Variants in SPATS2L observed in about 807,000 individuals in gnomAD.
SPATS2L encodes SPATS2-like protein.
SPATS2L carries 30 observed loss-of-function variants against 59.6 expected under a neutral mutation model. The ratio of observed to expected loss-of-function variants is 0.50; its 90% CI spans 0.38 to 0.68. SPATS2L has a LOEUF of 0.68. SPATS2L is among the 30% of genes least tolerant of loss of function. SPATS2L has a pLI of 0.00. For missense variants in SPATS2L, 615 were observed against 700.0 expected (o/e 0.88, Z 1.37); for synonymous variants, 252 against 263.5 (o/e 0.96, Z 0.42).
chr2:200,473,766 A>G (rs897718415), intron 12 of SPATS2L, among the ~76,000 whole-genome samples: 4 of 152,138 alleles, frequency 2.6e-5, no homozygotes, highest in African/African-American at 4.8e-5. Context: ...TTGGGAGGCC[A>G]AGGTGGGCAG....
chr2:200,444,876 C>T (rs969483129), intron 8 of SPATS2L, among the ~76,000 whole-genome samples: 1 of 151,828 alleles, frequency 6.6e-6, no homozygotes, highest in African/African-American at 2.4e-5. Flanking sequence ...TCTCCATATC[C>T]CTTTTCTCTT....
chr2:200,406,677 A>G (rs985417765), intron 3 of SPATS2L, among the ~76,000 whole-genome samples: 1 of 152,134 alleles, frequency 6.6e-6, no homozygotes, highest in African/African-American at 2.4e-5. Context: ...TGCTTCCTTC[A>G]TAGCACTCAC....
intron 1 of SPATS2L, among the ~76,000 whole-genome samples, chr2:200,327,260 C>T (rs897475931): frequency 6.6e-6 from 1 of 151,790 alleles, no homozygotes. Context: ...CAAAATTAGC[C>T]CAGTGTGGTG....
intron 2 of SPATS2L, among the ~76,000 whole-genome samples, chr2:200,362,853 C>G (rs1045039528): frequency 1.9e-4 from 29 of 152,246 alleles, no homozygotes; most frequent in African/African-American, 6.5e-4. Context: ...AGCTTTGTGG[C>G]TCTCAGGCCT....
At chr2:200,438,926 A>G (rs1277197291) in intron 6 of SPATS2L, among the ~76,000 whole-genome samples, 196 bp from the exon 7 acceptor site, 1 of 152,146 alleles carries the variant, frequency 6.6e-6, no homozygotes, top group Non-Finnish European at 1.5e-5. Context: ...AGGTCTTTCT[A>G]CTCAAAATAC....
At chr2:200,417,979 AC>A (rs2083135535) in intron 5 of SPATS2L, among the ~76,000 whole-genome samples, 2 of 152,154 alleles carry the variant, frequency 1.3e-5, no homozygotes. Flanking sequence ...ATCAAGTCAA[AC>A]ATATAACATA....
intron 3 of SPATS2L, among the ~76,000 whole-genome samples, chr2:200,409,728 G>C (rs1333560477): frequency 6.6e-6 from 1 of 152,174 alleles, no homozygotes; most frequent in African/African-American, 2.4e-5. Flanking sequence ...TCCAGGAATT[G>C]TATCTGATAT....
Position 200,377,605 on chromosome 2 carries a change from C to T in SPATS2L, c.-22-11618C>T, listed in dbSNP as rs1381629980. 3.3e-5 allele frequency among the ~76,000 whole-genome samples: 5 copies of T among 152,028 alleles called. 1 individual carries two copies. Among genetic ancestry groups the T allele is most frequent in the Admixed American group, 3.3e-4 (5 of 15,268 alleles). On this transcript the variant is annotated intron_variant, in intron 2 of 12. Coordinates refer to ENST00000409140, the MANE Select transcript of SPATS2L (RefSeq NM_001100423.2). The stretch of plus-strand genomic sequence containing the variant: ...AGCAGGTCTGACAGGTAAGAAAACC[C>T]TCTCCACTCTGCCCCAAATGTACTC...
chr2:200,476,702 A>G (rs567542013), intron 12 of SPATS2L, among the ~76,000 whole-genome samples: 4 of 152,348 alleles, frequency 2.6e-5, no homozygotes, highest in South Asian at 2.1e-4. Flanking sequence ...ATGCGTTACA[A>G]TGCTCTTTTA....
intron 3 of SPATS2L, among the ~76,000 whole-genome samples, chr2:200,408,926 A>C (rs1218566571): frequency 6.6e-6 from 1 of 152,254 alleles, no homozygotes; most frequent in Non-Finnish European, 1.5e-5. Context: ...AATTAGCAGA[A>C]GCAAAATACG....
intron 3 of SPATS2L, among the ~76,000 whole-genome samples, chr2:200,400,168 A>AT (rs11380146): frequency 0.39 from 58,793 of 151,996 alleles, 11,637 homozygotes; most frequent in East Asian, 0.55. Flanking sequence ...TGAAGATAAC[A>AT]TTTTTTTGTC....
chr2:200,396,133 C>T (rs1241524144), intron 3 of SPATS2L, among the ~76,000 whole-genome samples: 3 of 130,244 alleles, frequency 2.3e-5, no homozygotes, highest in Non-Finnish European at 3.2e-5. Flanking sequence ...AACATAAAAG[C>T]GAACTTGACT....
At chr2:200,363,597 A>G (rs2081178613) in intron 2 of SPATS2L, among the ~76,000 whole-genome samples, 1 of 152,258 alleles carries the variant, frequency 6.6e-6, no homozygotes, top group Admixed American at 6.5e-5. Flanking sequence ...CAAGAAATAA[A>G]TACATAGCTC....
rs573254575 is a variant in SPATS2L at position 200,472,082 on chromosome 2, G to GCCTGAGC, written c.1061-728_1061-722dup. On this transcript the variant is annotated intron_variant, in intron 11 of 12. Transcript: ENST00000409140. The stretch of plus-strand genomic sequence containing the variant: ...GTCATAATAAACGCTGAGCAGACCT[G>GCCTGAGC]CCTGAGCCCTGAGCCCTGAGCCCTG... 2.7e-3 allele frequency among the ~76,000 whole-genome samples: 414 copies of GCCTGAGC among 152,264 alleles called. 1 individual carries two copies. Among genetic ancestry groups the GCCTGAGC allele is most frequent in the African/African-American group, 8.5e-3 (354 of 41,528 alleles).
chr2:200,451,547 C>T lies in SPATS2L; in HGVS notation c.789-8222C>T, dbSNP rs139374782. On this transcript the variant is annotated intron_variant, in intron 8 of 12. Coordinates refer to ENST00000409140, the MANE Select transcript of SPATS2L (RefSeq NM_001100423.2). ...CATTTTGGAAGCCTGGACTAGGGTACGGCCTTACCATGGGCAATAACAACA... is the reference window on the plus strand; with the variant it reads ...CATTTTGGAAGCCTGGACTAGGGTATGGCCTTACCATGGGCAATAACAACA... Among the ~76,000 whole-genome samples, 511 of 152,202 alleles carry T rather than the reference C, an allele frequency of 3.4e-3. 4 individuals are homozygous for T. The highest frequency in any genetic ancestry group is 0.011 in the African/African-American group (449 of 41,518).
intron 1 of SPATS2L, among the ~76,000 whole-genome samples, chr2:200,310,312 C>G (rs1173107327): frequency 6.6e-6 from 1 of 152,204 alleles, no homozygotes; most frequent in African/African-American, 2.4e-5. Flanking sequence ...CCATTGCTGA[C>G]TCTTCGCTCT....
chr2:200,359,459 G>A (rs558464297), intron 2 of SPATS2L, among the ~76,000 whole-genome samples: 1 of 152,110 alleles, frequency 6.6e-6, no homozygotes, highest in Non-Finnish European at 1.5e-5. Flanking sequence ...TCATTCTACA[G>A]CAAATCAAAT....
intron 2 of SPATS2L, among the ~76,000 whole-genome samples, chr2:200,375,900 T>G (rs1446052639): frequency 1.3e-5 from 2 of 152,232 alleles, no homozygotes; most frequent in African/African-American, 2.4e-5. Flanking sequence ...GTGCTGGGAT[T>G]ACAGGCATGA....
intron 2 of SPATS2L, among the ~76,000 whole-genome samples, chr2:200,379,269 C>G (rs1036668702): frequency 6.6e-6 from 1 of 152,192 alleles, no homozygotes; most frequent in South Asian, 2.1e-4. Flanking sequence ...GAGTAGCTTA[C>G]CTCTCTGTGC....
Sources: allele counts gnomAD v4.1 joint callset (sites outside exome capture counted in the v4.1 genomes callset), GRCh38; gene constraint gnomAD v4.1.1; transcripts MANE v1.5; gene names NCBI Gene and HGNC (gene_info 2026-07-23, HGNC 2026-07-21).